OLAH: variants seen among roughly 807,000 people sequenced by gnomAD.
OLAH encodes oleoyl-ACP hydrolase.
A neutral mutation model predicts 27.8 loss-of-function variants in OLAH; 33 were observed. That is an observed-to-expected ratio of 1.19 (90% confidence interval 0.90 to 1.59). The LOEUF (loss-of-function observed/expected upper bound fraction) is 1.59. Among genes scored for constraint, OLAH ranks in the 40% most tolerant of loss-of-function variants. The pLI, the probability that OLAH is intolerant of heterozygous loss-of-function variation, is 0.00. For missense variants in OLAH, 359 were observed against 310.8 expected (o/e 1.16, Z -1.17); for synonymous variants, 120 against 102.9 (o/e 1.17, Z -1.01).
intron 3 of OLAH, among the ~76,000 whole-genome samples, chr10:15,059,444 C>T (rs1385562543): frequency 6.6e-6 from 1 of 151,838 alleles, no homozygotes; most frequent in Admixed American, 6.6e-5. Flanking sequence ...GCCTCGGCCT[C>T]CCAAAGTGCT....
At chr10:15,059,978 G>C (rs1844331150) in intron 3 of OLAH, among the ~76,000 whole-genome samples, 1 of 151,864 alleles carries the variant, frequency 6.6e-6, no homozygotes, top group Non-Finnish European at 1.5e-5. Context: ...TGAACTTCTT[G>C]GATCTACGAC....
At chr10:15,039,814 T>G (rs923754214), upstream of OLAH, among the ~76,000 whole-genome samples, 4 of 152,164 alleles carry the variant, frequency 2.6e-5, no homozygotes, top group Admixed American at 2.6e-4. Context: ...GAAGTCTGTA[T>G]CCCCTAAGAA....
chr10:15,071,321 C>T (rs1383893972), intron 6 of OLAH, among the ~76,000 whole-genome samples: 1 of 152,192 alleles, frequency 6.6e-6, no homozygotes, highest in East Asian at 1.9e-4. Context: ...CCCAGCCAGT[C>T]TCTCAGCTGC....
At chr10:15,067,540 C>G (rs1844493212) in intron 6 of OLAH, among the ~76,000 whole-genome samples, 1 of 152,088 alleles carries the variant, frequency 6.6e-6, no homozygotes, top group Non-Finnish European at 1.5e-5. Flanking sequence ...TCCAAAACAC[C>G]AGAAGTAACA....
chr10:15,036,683 C>T (rs1489063971), intron 1 of OLAH, among the ~76,000 whole-genome samples: 1 of 151,996 alleles, frequency 6.6e-6, no homozygotes, highest in African/African-American at 2.4e-5. Flanking sequence ...GATTGGGGGG[C>T]CTTGCTATGT....
upstream of OLAH, among the ~76,000 whole-genome samples, chr10:15,043,477 CTTTTT>C (rs35687747): frequency 1.5e-5 from 2 of 133,520 alleles, no homozygotes; most frequent in Non-Finnish European, 3.2e-5. Flanking sequence ...TTCTCTTCTT[CTTTTT>C]TTTTTTTTTT....
At position 15,065,667 on chromosome 10, in the gene OLAH, C is replaced by T; in HGVS notation, c.486C>T (p.Thr162=). The T allele has an allele frequency of 1.9e-6, 3 of 1,614,024 alleles. No individual in the cohort carries two copies. The highest frequency in any genetic ancestry group is 2.5e-6 in the Non-Finnish European group (3 of 1,179,948). The change falls in exon 6 of 8, where the codon ACC becomes ACT. Residue 162 remains threonine (T), a synonymous_variant. Transcript: ENST00000378228. ...ATTACCTTATGGAATTTGGAGGCAC[C>T]CCCAAGCATTTTGCTGAAGCCAAGG... The part of the protein sequence containing the change: ...ISHYLMEFGG[T]PKHFAEAKEF...
intron 3 of OLAH, among the ~76,000 whole-genome samples, chr10:15,057,481 G>A (rs918686742): frequency 6.7e-6 from 1 of 149,614 alleles, no homozygotes; most frequent in Non-Finnish European, 1.5e-5. Flanking sequence ...TGCCTCCTGG[G>A]TTCAAGCGAT....
At chr10:15,043,226 G>C (rs777971884), upstream of OLAH, among the ~76,000 whole-genome samples, 7 of 151,948 alleles carry the variant, frequency 4.6e-5, no homozygotes, top group Non-Finnish European at 8.8e-5. Flanking sequence ...CTTCAAAATA[G>C]GGGACATAAT....
intron 3 of OLAH, among the ~76,000 whole-genome samples, chr10:15,054,698 G>C (rs911875454): frequency 2.6e-5 from 4 of 151,832 alleles, no homozygotes; most frequent in African/African-American, 9.7e-5. Flanking sequence ...TAGCTCTTTT[G>C]CTTGTACTCC....
intron 6 of OLAH, 31 bp downstream of exon 6, chr10:15,065,784 T>A: frequency 2.6e-6 from 4 of 1,563,748 alleles, no homozygotes; most frequent in South Asian, 1.2e-5. Flanking sequence ...TTTTTCTTTT[T>A]TTGGTACAAT....
chr10:15,037,700 C>T (rs17156239), intron 1 of OLAH, among the ~76,000 whole-genome samples: 20,241 of 152,060 alleles, frequency 0.13, 1,470 homozygotes, highest in South Asian at 0.26. Flanking sequence ...GTGAGCTATC[C>T]ACAGGCAGCA....
intron 1 of OLAH, chr10:15,032,408 T>C (rs945884642): frequency 2.7e-5 from 4 of 150,186 alleles, no homozygotes; most frequent in Non-Finnish European, 5.9e-5. Flanking sequence ...CTATTAGTTC[T>C]GTCCCTCTAG....
chr10:15,048,170 G>T (rs1430040463), intron 2 of OLAH, among the ~76,000 whole-genome samples: 1 of 152,160 alleles, frequency 6.6e-6, no homozygotes, highest in African/African-American at 2.4e-5. Flanking sequence ...TCACCTGATT[G>T]GGTACTTGGA....
At chr10:15,034,801 T>C (rs1355891471) in intron 1 of OLAH, among the ~76,000 whole-genome samples, 139 of 133,306 alleles carry the variant, frequency 1.0e-3, no homozygotes, top group African/African-American at 3.8e-3. Context: ...CTTTTCTTTC[T>C]TTCTTTTTTT....
chr10:15,048,992 A>G (rs1000029838), intron 2 of OLAH, among the ~76,000 whole-genome samples: 1 of 152,078 alleles, frequency 6.6e-6, no homozygotes, highest in East Asian at 1.9e-4. Context: ...AATCTCAACT[A>G]CATGGGAGGC....
Position 15,065,707 on chromosome 10 carries a change from T to C in OLAH, c.526T>C (p.Cys176Arg), listed in dbSNP as rs754877970. 4.3e-6 allele frequency: 7 copies of C among 1,614,114 alleles called. No homozygotes were observed. In the East Asian group the frequency reaches 1.1e-4, roughly 26 times the overall value. ...TGAAGCCAAGGAATTTGTGAAACAA[T>C]GTAGTCCCATCATAAGGGCAGATCT... is the stretch of plus-strand genomic sequence containing the variant. ...FAEAKEFVKQ[C>R]SPIIRADLNI... The change falls in exon 6 of 8, where the codon TGT (cysteine) becomes CGT (arginine). Residue 176 changes from cysteine to arginine, a missense_variant. Cys to Arg is a radical substitution (Grantham distance 180). Transcript: ENST00000378228.
chr10:15,042,847 G>GTT (rs1843943161), upstream of OLAH, among the ~76,000 whole-genome samples: 8 of 80,570 alleles, frequency 9.9e-5, no homozygotes, highest in Middle Eastern at 8.9e-3. Context: ...CTACCCACGT[G>GTT]TCTTTTTTTT....
chr10:15,055,139 AT>A (rs1025918637), intron 3 of OLAH, among the ~76,000 whole-genome samples: 11 of 151,922 alleles, frequency 7.2e-5, no homozygotes, highest in African/African-American at 2.4e-4. Flanking sequence ...TAATTTTTAT[AT>A]TTTTTAGTAG....
Sources: allele counts gnomAD v4.1 joint callset (sites outside exome capture counted in the v4.1 genomes callset), GRCh38; gene constraint gnomAD v4.1.1; transcripts MANE v1.5; gene names NCBI Gene and HGNC (gene_info 2026-07-23, HGNC 2026-07-21).